The following ABCA8 variants were observed in gnomAD, a reference collection of about 807,000 sequenced individuals.
ABCA8 encodes the protein ATP binding cassette subfamily A member 8.
Under a neutral mutation model 192.3 loss-of-function variants are expected in ABCA8, and 177 were observed. That is an observed-to-expected ratio of 0.92 (90% confidence interval 0.81 to 1.04). ABCA8 has a LOEUF of 1.04. Ranked by LOEUF, ABCA8 falls within the 50% of genes least tolerant of loss-of-function variation. The pLI is 0.00. For missense variants in ABCA8, 1,915 were observed against 1,904.8 expected, an observed-to-expected ratio of 1.01 and a Z score of -0.10; for synonymous variants, 642 against 690.2, an observed-to-expected ratio of 0.93 and a Z score of 1.09.
chr17:68,946,815 C>T (rs1174014362), intron 2 of ABCA8, among the ~76,000 whole-genome samples: 1 of 152,048 alleles, frequency 6.6e-6, no homozygotes, highest in Non-Finnish European at 1.5e-5. Context: ...GTGGCATGCA[C>T]CTTCAATCCC....
In ABCA8 at chr17:68,935,402, C is replaced by T. The variant is rs148791949; in HGVS notation, c.466+1549G>A. 4.7e-3 allele frequency among the ~76,000 whole-genome samples: 707 copies of T among 151,430 alleles called. 9 individuals are homozygous for T. Among genetic ancestry groups the T allele is most frequent in the African/African-American group, 0.016 (646 of 41,192 alleles). On this transcript the variant is annotated intron_variant, in intron 5 of 39. Transcript: ENST00000586539. The stretch of plus-strand genomic sequence containing the variant: ...AAAGTGCTAGGATTACAGACATGAG[C>T]CACCACGCCCGGCCACTTTATCACA...
intron 21 of ABCA8, among the ~76,000 whole-genome samples, chr17:68,901,579 G>T (rs1362790550): frequency 6.6e-6 from 1 of 152,088 alleles, no homozygotes; most frequent in Non-Finnish European, 1.5e-5. Flanking sequence ...AGGCTGAGGC[G>T]GGCGGATCAC....
At chr17:68,868,905 C>CTCCAGCA (rs1428198626) in intron 38 of ABCA8, among the ~76,000 whole-genome samples, 2 of 152,038 alleles carry the variant, frequency 1.3e-5, no homozygotes, top group African/African-American at 4.8e-5. Flanking sequence ...CAGTACTGGG[C>CTCCAGCA]TTAATGCCAA....
chr17:68,920,436 T>C (rs954406202), intron 13 of ABCA8, among the ~76,000 whole-genome samples: 1 of 151,620 alleles, frequency 6.6e-6, no homozygotes, highest in Non-Finnish European at 1.5e-5. Flanking sequence ...AAATACCTTA[T>C]TGCTTAACAA....
rs1162049235 is a variant in ABCA8 at position 68,907,839 on chromosome 17, A to G, written c.2179T>C (p.Ser727Pro). The change falls in exon 18 of 40, where the codon TCA becomes CCA. Residue 727 changes from serine to proline, a missense_variant. By Grantham distance (74) the Ser-to-Pro change is moderately conservative. Transcript: ENST00000586539. ...NEICVEENIT[S>P]LVKQHIPDAK... is the part of the protein sequence containing the mutation. ...TCAGGGATGTGCTGTTTAACAAGTG[A>G]TGTTATGTTTTCCTCAACACATATT... 1 of 1,605,512 alleles carries G rather than the reference A, an allele frequency of 6.2e-7. No individual in the cohort carries two copies. The highest frequency in any genetic ancestry group is 1.7e-5 in the Admixed American group (1 of 58,720).
Position 68,903,281 on chromosome 17 carries a change from A to G in ABCA8, c.2597+20T>C. On this transcript the variant is annotated intron_variant, in intron 20 of 39. Coordinates refer to ENST00000586539, the MANE Select transcript of ABCA8 (RefSeq NM_001288985.2). ...ACGCATTGACTTAAAAAGAAAACCT[A>G]TGGCAACTCTGATACTTACAGTGCT... 2 of 1,612,670 alleles carry G rather than the reference A, an allele frequency of 1.2e-6. No individual in the cohort carries two copies. The highest frequency in any genetic ancestry group is 1.7e-6 in the Non-Finnish European group (2 of 1,179,500).
At chr17:68,916,997 C>T (rs1033492999) in intron 17 of ABCA8, among the ~76,000 whole-genome samples, 5 of 152,112 alleles carry the variant, frequency 3.3e-5, no homozygotes, top group African/African-American at 1.2e-4. Flanking sequence ...TGGCCGGGCG[C>T]GGTGGCTCAC....
intron 11 of ABCA8, among the ~76,000 whole-genome samples, chr17:68,924,424 G>A (rs1262640112): frequency 1.3e-5 from 2 of 152,026 alleles, no homozygotes; most frequent in African/African-American, 4.8e-5. Flanking sequence ...AGGGTGAAGA[G>A]AAACAAGTAA....
At chr17:68,904,785 G>A (rs1382858392) in intron 19 of ABCA8, among the ~76,000 whole-genome samples, 1 of 152,152 alleles carries the variant, frequency 6.6e-6, no homozygotes, top group Non-Finnish European at 1.5e-5. Flanking sequence ...AAGCTGCATA[G>A]TGTCTTGAGC....
chr17:68,919,697 C>T, intron 13 of ABCA8: 1 of 436,534 alleles, frequency 2.3e-6, no homozygotes, highest in East Asian at 3.7e-5. Context: ...TTAGCTTTGC[C>T]TATATACCCT....
chr17:68,884,493 T>C, intron 27 of ABCA8, 97 bp from the exon 28 acceptor site: 1 of 1,407,866 alleles, frequency 7.1e-7, no homozygotes, highest in Non-Finnish European at 9.2e-7. Context: ...CTGCTAACAT[T>C]TGACCATGAA....
intron 37 of ABCA8, among the ~76,000 whole-genome samples, chr17:68,874,940 T>C (rs2066160082): frequency 6.6e-6 from 1 of 152,212 alleles, no homozygotes; most frequent in Non-Finnish European, 1.5e-5. Context: ...AATAATCAAT[T>C]TCATTTACGA....
At position 68,918,148 on chromosome 17, in the gene ABCA8, G is replaced by C. The variant is rs144777539; in HGVS notation, c.1946C>G (p.Pro649Arg). The C allele has an allele frequency of 1.1e-3, 1,765 of 1,614,090 alleles. No homozygotes were observed. Among genetic ancestry groups the C allele is most frequent in the Middle Eastern group, 1.5e-3 (9 of 6,062 alleles). Residue 649 changes from proline (P) to arginine (R), a missense_variant, in exon 16 of 40, where the codon CCC becomes CGC. By Grantham distance (103) the Pro-to-Arg change is moderately radical. Coordinates refer to ENST00000586539, the MANE Select transcript of ABCA8 (RefSeq NM_001288985.2). ...GTTCCATACTTGGTGTCTTGAAAAGGGATCCAATCCAGCAGTTGGTTCATC... is the reference window on the plus strand; with the variant it reads ...GTTCCATACTTGGTGTCTTGAAAAGCGATCCAATCCAGCAGTTGGTTCATC... ...LLDEPTAGLD[P>R]FSRHQVWNLL... is the part of the protein sequence containing the mutation.
rs1041332554 is a variant in ABCA8 at position 68,876,688 on chromosome 17, G to C, written c.4215C>G (p.Leu1405=). 8 of 1,614,160 alleles carry C rather than the reference G, an allele frequency of 5.0e-6. No individual in the cohort carries two copies. The highest frequency in any genetic ancestry group is 6.8e-6 in the Non-Finnish European group (8 of 1,180,020). Residue 1405 remains leucine (L), a synonymous_variant, in exon 34 of 40, where the codon CTC becomes CTG. Transcript: ENST00000586539. ...GAGACTTCAGCTGGTCCTGCAGCTTGAGCGCATCCACTAACCTGAAGGAAA... is the reference window on the plus strand; with the variant it reads ...GAGACTTCAGCTGGTCCTGCAGCTTCAGCGCATCCACTAACCTGAAGGAAA... ...EVAITRLVDA[L]KLQDQLKSPV...
intron 17 of ABCA8, among the ~76,000 whole-genome samples, chr17:68,910,125 A>G (rs1434028257): frequency 2.0e-5 from 3 of 152,200 alleles, no homozygotes; most frequent in African/African-American, 7.2e-5. Flanking sequence ...AGGAACACCA[A>G]ATTGAACAAC....
chr17:68,933,166 A>G lies in ABCA8; in HGVS notation c.570+2T>C. On this transcript the variant is annotated splice_donor_variant, in intron 6 of 39. Transcript: ENST00000586539. LOFTEE classifies it high-confidence loss of function. ...AGTTTGCTTTGAACATTTTGTACTCACTTCTATAATAGCAGCATTAATGGC... is the reference window on the plus strand; with the variant it reads ...AGTTTGCTTTGAACATTTTGTACTCGCTTCTATAATAGCAGCATTAATGGC... 2 of 1,601,642 alleles carry G rather than the reference A, an allele frequency of 1.2e-6. No homozygotes were observed. The highest frequency in any genetic ancestry group is 1.7e-6 in the Non-Finnish European group (2 of 1,171,110).
At chr17:68,922,210 T>TACC (rs1371219649) in intron 12 of ABCA8, 32 bp downstream of exon 12, 30 of 85,052 alleles carry the variant, frequency 3.5e-4, no homozygotes, top group Admixed American at 1.3e-3. Context: ...TTTTTTTTTT[T>TACC]TTTTTTTTTT....
rs780446132 is a variant in ABCA8 at position 68,869,740 on chromosome 17, A to G, written c.4671T>C (p.Asp1557=). 1.1e-5 allele frequency: 17 copies of G among 1,613,330 alleles called. No individual in the cohort carries two copies. The highest frequency in any genetic ancestry group is 1.7e-5 in the Admixed American group (1 of 59,982). The part of the protein sequence containing the change: ...SLMVYKLPVE[D]VQPLAQAFFK... ...AGAAAGCTTGGGCTAAAGGTTGCAC[A>G]TCTTCCACTGGCAACTTATAAACCA... Residue 1557 remains aspartate (D), a synonymous_variant, in exon 38 of 40, where the codon GAT becomes GAC. Transcript: ENST00000586539.
chr17:68,906,110 C>T lies in ABCA8; in HGVS notation c.2332G>A (p.Val778Ile). ...YPDLGIENYG[V>I]SMTTLNEVFL... Reference sequence around the variant, plus strand: ...ACTTCATTCAAAGTTGTCATGGAAACACCATAATTCTCAATTCCTAGGTCA... The same window carrying T: ...ACTTCATTCAAAGTTGTCATGGAAATACCATAATTCTCAATTCCTAGGTCA... The change falls in exon 19 of 40, where the codon GTT (valine) becomes ATT (isoleucine). Residue 778 changes from valine to isoleucine, a missense_variant. Physicochemically the swap from Val to Ile is conservative, Grantham distance 29. Coordinates refer to ENST00000586539, the MANE Select transcript of ABCA8 (RefSeq NM_001288985.2). The T allele has an allele frequency of 1.2e-6, 2 of 1,601,002 alleles. No individual in the cohort carries two copies. The highest frequency in any genetic ancestry group is 1.7e-6 in the Non-Finnish European group (2 of 1,173,728).
Sources: allele counts gnomAD v4.1 joint callset (sites outside exome capture counted in the v4.1 genomes callset), GRCh38; gene constraint gnomAD v4.1.1; transcripts MANE v1.5; gene names NCBI Gene and HGNC (gene_info 2026-07-23, HGNC 2026-07-21).